Variants in DENND11 observed in about 807,000 individuals in gnomAD.
DENND11 encodes DENN domain containing 11, also known as DENN domain-containing protein 11.
Under a neutral mutation model 49.2 loss-of-function variants are expected in DENND11, and 34 were observed. The observed-to-expected ratio is 0.69, with a 90% CI of 0.53 to 0.92. The LOEUF (loss-of-function observed/expected upper bound fraction) is 0.92. Ranked by LOEUF, DENND11 falls within the 40% of genes least tolerant of loss-of-function variation. The pLI, the probability that DENND11 is intolerant of heterozygous loss-of-function variation, is 0.00. For missense variants in DENND11, 475 were observed against 581.6 expected (o/e 0.82, Z 1.88); for synonymous variants, 238 against 230.3 (o/e 1.03, Z -0.30).
chr7:141,666,648 G>A (rs1326677734), intron 4 of DENND11, among the ~76,000 whole-genome samples: 1 of 152,122 alleles, frequency 6.6e-6, no homozygotes, highest in Non-Finnish European at 1.5e-5. Context: ...TGATGTTTGA[G>A]TTGAGTGATC....
intron 2 of DENND11, among the ~76,000 whole-genome samples, chr7:141,686,204 A>AC (rs1408731502): frequency 8.5e-5 from 13 of 152,184 alleles, no homozygotes; most frequent in Non-Finnish European, 1.8e-4. Context: ...GGCCTTACTT[A>AC]AAGCTGAAAT....
intron 1 of DENND11, among the ~76,000 whole-genome samples, chr7:141,688,049 G>A (rs186639660): frequency 6.0e-4 from 91 of 152,254 alleles, no homozygotes; most frequent in Non-Finnish European, 1.1e-3. Flanking sequence ...CCAAAGTGTT[G>A]GGATTACAGG....
chr7:141,679,895 T>A (rs1400636582), intron 3 of DENND11, among the ~76,000 whole-genome samples: 4 of 152,192 alleles, frequency 2.6e-5, no homozygotes, highest in Admixed American at 2.6e-4. Flanking sequence ...ATCCATCAGG[T>A]TAGAATGTTC....
At chr7:141,699,186 G>A (rs962636669) in intron 1 of DENND11, among the ~76,000 whole-genome samples, 1 of 152,080 alleles carries the variant, frequency 6.6e-6, no homozygotes, top group Non-Finnish European at 1.5e-5. Flanking sequence ...AGTCTGGGTG[G>A]GCCAATATTA....
At chr7:141,662,890 G>GC (rs1562994005) in intron 8 of DENND11, 39 bp from the exon 9 acceptor site, 3 of 1,449,372 alleles carry the variant, frequency 2.1e-6, no homozygotes, top group South Asian at 1.4e-5. Flanking sequence ...GGAAGCGGGG[G>GC]GGAATAAAAA....
chr7:141,687,462 G>A (rs1008675788), intron 1 of DENND11, among the ~76,000 whole-genome samples: 3 of 151,220 alleles, frequency 2.0e-5, no homozygotes, highest in African/African-American at 4.9e-5. Flanking sequence ...GATAAGGTGC[G>A]ATTTTTTTTT....
rs116362748 is a variant in DENND11, at chr7:141,670,188, C to T, written c.682-3763G>A. On this transcript the variant is annotated intron_variant, in intron 4 of 8. Transcript: ENST00000536163. ...TTTGTACATGTAAGCCTTGCCCTACCGCATCCCATACTTTACCTCATCCAG... is the reference window on the plus strand; with the variant it reads ...TTTGTACATGTAAGCCTTGCCCTACTGCATCCCATACTTTACCTCATCCAG... Among the ~76,000 whole-genome samples, 623 of 152,146 alleles carry T rather than the reference C, an allele frequency of 4.1e-3. 5 individuals are homozygous for T. The highest frequency in any genetic ancestry group is 0.014 in the African/African-American group (587 of 41,506).
At chr7:141,696,625 G>T (rs893457619) in intron 1 of DENND11, among the ~76,000 whole-genome samples, 1 of 152,082 alleles carries the variant, frequency 6.6e-6, no homozygotes, top group Non-Finnish European at 1.5e-5. Context: ...TCTTTCCACG[G>T]TTCTCTTCCC....
intron 4 of DENND11, among the ~76,000 whole-genome samples, chr7:141,667,787 G>A (rs975257207): frequency 6.6e-6 from 1 of 152,170 alleles, no homozygotes; most frequent in Admixed American, 6.5e-5. Context: ...AGCTGTGTCT[G>A]CACTACCCGG....
At chr7:141,689,015 G>A (rs559185917) in intron 1 of DENND11, among the ~76,000 whole-genome samples, 2 of 152,090 alleles carry the variant, frequency 1.3e-5, no homozygotes, top group African/African-American at 2.4e-5. Flanking sequence ...TTACCCACAC[G>A]CCACACATTA....
chr7:141,664,920 G>A lies in DENND11; in HGVS notation c.1087C>T (p.Arg363Trp), dbSNP rs550433172. The A allele has an allele frequency of 1.6e-5, 26 of 1,612,360 alleles. No individual in the cohort carries two copies. Among genetic ancestry groups the A allele is most frequent in the African/African-American group, 1.1e-4 (8 of 75,008 alleles). ...INSADREKYR[R>W]LNEQRQMLLY... ...TGCCACTACCTCTGCTCGTTGAGCC[G>A]GCGGTACTTCTCCCTGTCAGCACTG... The change falls in exon 7 of 9, where the codon CGG becomes TGG. Residue 363 changes from arginine to tryptophan, a missense_variant. Arg to Trp is a moderately radical substitution (Grantham distance 101). Coordinates refer to ENST00000536163, the MANE Select transcript of DENND11 (RefSeq NM_001080392.2).
At position 141,673,441 on chromosome 7, in the gene DENND11, C is replaced by T. The variant is rs547164202; in HGVS notation, c.681+626G>A. On this transcript the variant is annotated intron_variant, in intron 4 of 8. Transcript: ENST00000536163. Reference sequence around the variant, plus strand: ...CACCTAGCCAAATACTCAGGGACTGCGTCCTCTCCTAAGGCATCTTCCCAG... The same window carrying T: ...CACCTAGCCAAATACTCAGGGACTGTGTCCTCTCCTAAGGCATCTTCCCAG... Among the ~76,000 whole-genome samples, 218 of 152,270 alleles carry T rather than the reference C, an allele frequency of 1.4e-3. 1 individual carries two copies. Among genetic ancestry groups the T allele is most frequent in the African/African-American group, 5.0e-3 (206 of 41,556 alleles).
intron 1 of DENND11, among the ~76,000 whole-genome samples, 169 bp from the exon 2 acceptor site, chr7:141,686,827 G>A (rs564088374): frequency 2.0e-5 from 3 of 152,224 alleles, no homozygotes; most frequent in Admixed American, 6.5e-5. Context: ...CAGGGGTGAC[G>A]CCGGAGGACG....
Position 141,665,325 on chromosome 7 carries a change from G to A in DENND11, c.821-7C>T. 1.9e-6 allele frequency: 3 copies of A among 1,613,794 alleles called. No homozygotes were observed. The highest frequency in any genetic ancestry group is 2.5e-6 in the Non-Finnish European group (3 of 1,179,854). ...AAGCAGCAGCAGCAGTACACTGTGGGGATAGAGGAGGTGAGCGGGGAGGGT... is the reference window on the plus strand; with the variant it reads ...AAGCAGCAGCAGCAGTACACTGTGGAGATAGAGGAGGTGAGCGGGGAGGGT... On this transcript the variant is annotated splice_region_variant and splice_polypyrimidine_tract_variant and intron_variant, in intron 5 of 8. Coordinates refer to ENST00000536163, the MANE Select transcript of DENND11 (RefSeq NM_001080392.2).
chr7:141,667,230 C>T (rs1225975649), intron 4 of DENND11, among the ~76,000 whole-genome samples: 1 of 152,104 alleles, frequency 6.6e-6, no homozygotes, highest in Non-Finnish European at 1.5e-5. Context: ...CCCACTCTTC[C>T]TTCTGTCACT....
intron 1 of DENND11, among the ~76,000 whole-genome samples, chr7:141,697,476 CAG>C (rs939639817): frequency 6.6e-5 from 10 of 152,202 alleles, no homozygotes; most frequent in Admixed American, 3.3e-4. Context: ...GGCGACATGA[CAG>C]AGTTTCTCTT....
In DENND11 at chr7:141,664,197, G is replaced by A. The variant is rs746039460; in HGVS notation, c.1147C>T (p.Pro383Ser). The A allele has an allele frequency of 2.5e-6, 4 of 1,584,878 alleles. No individual in the cohort carries two copies. In the African/African-American group the frequency reaches 4.0e-5, roughly 16 times the overall value. Residue 383 changes from proline (P) to serine (S), a missense_variant, in exon 8 of 9, where the codon CCT becomes TCT. Transcript: ENST00000536163. The stretch of plus-strand genomic sequence containing the variant: ...AGCACGAAGAGGTCCTCTTCACAAG[G>A]GTTGTAGTCTTCTTCTACTTCCTGG... ...YSQEVEEDYN[P>S]CEEDLFVLFF...
At position 141,702,022 on chromosome 7, in the gene DENND11, C is replaced by T. The variant is rs1282630682; in HGVS notation, c.132G>A (p.Ala44=). ...RGGGGGARPA[A]EPPRRREPEE... ...CGGGCTCCCGCCTCCGGGGCGGCTC[C>T]GCGGCCGGCCGGGCGCCCCCGCCGC... Residue 44 remains alanine (A), a synonymous_variant, in exon 1 of 9, where the codon GCG becomes GCA. Transcript: ENST00000536163. 4.7e-6 allele frequency: 5 copies of T among 1,061,310 alleles called. No individual in the cohort carries two copies. Among genetic ancestry groups the T allele is most frequent in the Non-Finnish European group, 5.7e-6 (5 of 880,402 alleles). The allele number at this position is 1,061,310 out of a possible 1,614,324, so 65.7% of individuals were successfully genotyped here.
intron 1 of DENND11, among the ~76,000 whole-genome samples, chr7:141,700,798 C>T (rs1456666535): frequency 6.6e-6 from 1 of 152,104 alleles, no homozygotes; most frequent in Non-Finnish European, 1.5e-5. Context: ...TGGAACCCAT[C>T]ATCAGCTGCC....
Sources: allele counts gnomAD v4.1 joint callset (sites outside exome capture counted in the v4.1 genomes callset), GRCh38; gene constraint gnomAD v4.1.1; transcripts MANE v1.5; gene names NCBI Gene and HGNC (gene_info 2026-07-23, HGNC 2026-07-21).